Variants in ASIC2 observed in about 807,000 individuals in gnomAD.
ASIC2 encodes the protein acid sensing ion channel subunit 2.
In ASIC2, 25 loss-of-function variants were observed where a neutral mutation model predicts 57.3. That is an observed-to-expected ratio of 0.44 (90% CI 0.32 to 0.61). The LOEUF (loss-of-function observed/expected upper bound fraction) is 0.61. ASIC2 is among the 20% of genes least tolerant of loss of function. ASIC2 has a pLI of 0.06. For synonymous variants in ASIC2, 319 were observed against 307.5 expected (o/e 1.04, Z -0.39); for missense variants, 641 against 738.1 (o/e 0.87, Z 1.52).
chr17:33,372,197 AGG>A (rs1388338329), intron 1 of ASIC2, among the ~76,000 whole-genome samples: 8 of 151,938 alleles, frequency 5.3e-5, no homozygotes, highest in Non-Finnish European at 2.9e-5. Flanking sequence ...CTGGGCTCTC[AGG>A]GGGATCAGGG....
rs113776355 is a variant in ASIC2, at chr17:33,823,375, A to G, written c.555+332603T>C. Among the ~76,000 whole-genome samples, 113 of 152,352 alleles carry G rather than the reference A, an allele frequency of 7.4e-4. 2 individuals carry two copies. The highest frequency in any genetic ancestry group is 2.7e-3 in the African/African-American group (111 of 41,598). On this transcript the variant is annotated intron_variant, in intron 1 of 9. Coordinates refer to the ASIC2 transcript ENST00000359872. Reference sequence around the variant, plus strand: ...GTGGGGTTGGGGAAGGTTTAAACGCATAAAGTCAAGATAAGTTTGGAAGTA... The same window carrying G: ...GTGGGGTTGGGGAAGGTTTAAACGCGTAAAGTCAAGATAAGTTTGGAAGTA...
At chr17:33,317,027 C>T (rs1906684324) in intron 1 of ASIC2, among the ~76,000 whole-genome samples, 1 of 152,194 alleles carries the variant, frequency 6.6e-6, no homozygotes, top group African/African-American at 2.4e-5. Flanking sequence ...GGTCCAGTTG[C>T]CGGGAGAACA....
At chr17:34,133,261 G>C (rs540908138) in intron 1 of ASIC2, among the ~76,000 whole-genome samples, 184 of 150,858 alleles carry the variant, frequency 1.2e-3, no homozygotes, top group African/African-American at 4.3e-3. Context: ...TCTTTTTCTT[G>C]GTTATTTTCT....
intron 1 of ASIC2, among the ~76,000 whole-genome samples, chr17:33,445,193 C>T (rs891593757): frequency 5.9e-5 from 9 of 152,164 alleles, no homozygotes; most frequent in African/African-American, 2.2e-4. Context: ...CTTTGGGAGG[C>T]CAAGGCGTCT....
chr17:33,066,267 T>C (rs1454585728), intron 3 of ASIC2, among the ~76,000 whole-genome samples: 63 of 152,108 alleles, frequency 4.1e-4, no homozygotes, highest in Admixed American at 4.1e-3. Flanking sequence ...GTGAAGACTT[T>C]TAAAAACTGT....
chr17:33,189,389 G>C (rs1391240621), intron 1 of ASIC2, among the ~76,000 whole-genome samples: 2 of 152,146 alleles, frequency 1.3e-5, no homozygotes, highest in Non-Finnish European at 2.9e-5. Flanking sequence ...CTGAAAGAAG[G>C]CAGGACAAGT....
In ASIC2 at chr17:34,130,690, G is replaced by A. The variant is rs1044756210; in HGVS notation, c.555+25288C>T. ...CACCATAATGAATCTGTTAGGATGC[G>A]TTTTCCCATCTGGGCAGCAAGCTCC... On this transcript the variant is annotated intron_variant, in intron 1 of 9. Coordinates refer to the ASIC2 transcript ENST00000359872. Among the ~76,000 whole-genome samples, 6 of 152,178 alleles carry A rather than the reference G, an allele frequency of 3.9e-5. 1 individual carries two copies. Among genetic ancestry groups the A allele is most frequent in the African/African-American group, 1.2e-4 (5 of 41,432 alleles).
intron 1 of ASIC2, among the ~76,000 whole-genome samples, chr17:33,844,810 ATACT>A (rs1421733266): frequency 5.3e-5 from 8 of 152,348 alleles, no homozygotes; most frequent in East Asian, 1.9e-4. Context: ...TATTTATTGA[ATACT>A]TACTATGTGC....
At chr17:33,228,129 C>G (rs1373969492) in intron 1 of ASIC2, among the ~76,000 whole-genome samples, 1 of 152,168 alleles carries the variant, frequency 6.6e-6, no homozygotes, top group Non-Finnish European at 1.5e-5. Context: ...TTGGACAGAG[C>G]TAGAAAGCCT....
Position 33,920,693 on chromosome 17 carries a change from C to T in ASIC2, c.555+235285G>A, listed in dbSNP as rs137896476. Among the ~76,000 whole-genome samples, 443 of 152,280 alleles carry T rather than the reference C, an allele frequency of 2.9e-3. 3 individuals carry two copies. The highest frequency in any genetic ancestry group is 0.01 in the African/African-American group (421 of 41,544). ...CTCATCTAACAAACCTGCACATGTA[C>T]CCCCTGAATCTAAAATCAAAGTTGA... On this transcript the variant is annotated intron_variant, in intron 1 of 9. Transcript: ENST00000359872.
intron 1 of ASIC2, among the ~76,000 whole-genome samples, chr17:33,600,054 G>C (rs183290663): frequency 6.6e-5 from 10 of 152,162 alleles, no homozygotes; most frequent in Non-Finnish European, 8.8e-5. Context: ...CTCTGGTCTC[G>C]TGCATCTCTC....
At chr17:33,320,238 A>G (rs1422570621) in intron 1 of ASIC2, among the ~76,000 whole-genome samples, 1 of 152,132 alleles carries the variant, frequency 6.6e-6, no homozygotes, top group Non-Finnish European at 1.5e-5. Flanking sequence ...CCTCTTGTAA[A>G]TTTTGAGGTA....
intron 1 of ASIC2, among the ~76,000 whole-genome samples, chr17:34,133,012 C>T (rs1200263922): frequency 6.6e-6 from 1 of 152,156 alleles, no homozygotes; most frequent in Non-Finnish European, 1.5e-5. Flanking sequence ...CTCCCTCTTT[C>T]ATTGTGAGAG....
intron 1 of ASIC2, among the ~76,000 whole-genome samples, chr17:33,781,956 A>G (rs913504210): frequency 6.6e-6 from 1 of 152,000 alleles, no homozygotes; most frequent in African/African-American, 2.4e-5. Flanking sequence ...GCTCTCTTAT[A>G]GATTTCTGTA....
At chr17:33,167,042 T>C (rs774877737) in intron 1 of ASIC2, among the ~76,000 whole-genome samples, 5 of 152,198 alleles carry the variant, frequency 3.3e-5, no homozygotes, top group Non-Finnish European at 7.4e-5. Context: ...TGTGAGTCAG[T>C]GTACATAAAG....
intron 1 of ASIC2, among the ~76,000 whole-genome samples, chr17:33,702,975 T>C (rs749390324): frequency 3.3e-5 from 5 of 151,922 alleles, no homozygotes; most frequent in Admixed American, 6.5e-5. Flanking sequence ...ATAAACAGAG[T>C]TACGGATTGT....
intron 1 of ASIC2, among the ~76,000 whole-genome samples, chr17:33,829,860 C>T (rs964698256): frequency 1.3e-5 from 2 of 151,918 alleles, no homozygotes; most frequent in Non-Finnish European, 2.9e-5. Context: ...ACCGCGCCCA[C>T]CCTATGTTAA....
At chr17:34,039,150 G>A in intron 1 of ASIC2, 1 of 1,613,970 alleles carries the variant, frequency 6.2e-7, no homozygotes, top group Non-Finnish European at 8.5e-7. Context: ...AATCACAGAT[G>A]GCTCTTAATA....
Position 33,832,906 on chromosome 17 carries a change from G to A in ASIC2, c.555+323072C>T, listed in dbSNP as rs748801277. 3.3e-5 allele frequency among the ~76,000 whole-genome samples: 5 copies of A among 152,212 alleles called. No individual in the cohort carries two copies. In the East Asian group the frequency reaches 7.7e-4, roughly 24 times the overall value. On this transcript the variant is annotated intron_variant, in intron 1 of 9. Coordinates refer to the ASIC2 transcript ENST00000359872. Reference sequence around the variant, plus strand: ...TATAGTGGAGACTTAGAACCAACACGGGCACCTACTGTTAGAATATGGACA... The same window carrying A: ...TATAGTGGAGACTTAGAACCAACACAGGCACCTACTGTTAGAATATGGACA...
Sources: gnomAD v4.1 joint callset for allele counts (sites outside exome capture counted in the v4.1 genomes callset) on GRCh38, gnomAD v4.1.1 for gene constraint, MANE v1.5 for transcripts, NCBI Gene and HGNC (gene_info 2026-07-23, HGNC 2026-07-21) for gene names.